ACAN: variants seen among roughly 807,000 people sequenced by gnomAD.
ACAN encodes the protein aggrecan core protein.
A neutral mutation model predicts 169.1 loss-of-function variants in ACAN; 47 were observed. The ratio of observed to expected loss-of-function variants is 0.28; its 90% CI spans 0.22 to 0.35. ACAN has a LOEUF of 0.35. Among genes scored for constraint, ACAN ranks in the 10% least tolerant of loss-of-function variants. The probability of loss-of-function intolerance (pLI) is 1.00; values close to 1 mark genes in which losing one functional copy is unlikely to be tolerated. For synonymous variants in ACAN, 1,115 were observed against 1,112.2 expected (o/e 1.00, Z -0.05); for missense variants, 2,716 against 2,759.9 (o/e 0.98, Z 0.36).
In ACAN at chr15:88,853,480, A is replaced by C. The variant is rs574374306; in HGVS notation, c.2267-1372A>C. ...TGGCAAAACCCAGTGTCTACTAAAA[A>C]TACAAAAATTAGCCAGGTGTGGTGG... On this transcript the variant is annotated intron_variant, in intron 11 of 18. Coordinates refer to ENST00000560601, the MANE Select transcript of ACAN (RefSeq NM_001369268.1). 9.8e-5 allele frequency among the ~76,000 whole-genome samples: 15 copies of C among 152,290 alleles called. No homozygotes were observed. The East Asian group carries it at 2.9e-3, about 29-fold the overall frequency.
At chr15:88,819,290 G>A (rs1256794073) in intron 1 of ACAN, among the ~76,000 whole-genome samples, 1 of 152,150 alleles carries the variant, frequency 6.6e-6, no homozygotes, top group Non-Finnish European at 1.5e-5. Context: ...GTTAGAGGGA[G>A]GTCTTTGAGG....
chr15:88,857,968 C>A lies in ACAN; in HGVS notation c.5383C>A (p.Leu1795Ile), dbSNP rs745908761. 6.8e-6 allele frequency: 11 copies of A among 1,613,790 alleles called. No homozygotes were observed. In the African/African-American group the frequency reaches 1.3e-4, roughly 20 times the overall value. ...TGGAGAAACATCTGGGGTCCCTGAT[C>A]TCAGTGGGCAGCCTTCAGGGTTACC... ...LSGETSGVPD[L>I]SGQPSGLPGF... The change falls in exon 12 of 19, where the codon CTC becomes ATC. Residue 1795 changes from leucine to isoleucine, a missense_variant. Around this residue, in one of 3 missense-constraint regions of ACAN, gnomAD observed 1,389 missense variants for 1,363.7 expected, o/e 1.02. Transcript: ENST00000560601.
chr15:88,813,502 A>G (rs558080046), intron 1 of ACAN, among the ~76,000 whole-genome samples: 2 of 152,348 alleles, frequency 1.3e-5, no homozygotes, highest in East Asian at 3.9e-4. Flanking sequence ...AGGGATGGCC[A>G]CTTCCATATG....
rs377554089 is a variant in ACAN at position 88,855,343 on chromosome 15, T to C, written c.2758T>C (p.Ser920Pro). The C allele has an allele frequency of 1.2e-6, 2 of 1,612,692 alleles. No homozygotes were observed. The highest frequency in any genetic ancestry group is 2.7e-5 in the African/African-American group (2 of 75,026). ...SGLPVESGLPSGDEERIEWPS... is the reference protein window; with the variant it reads ...SGLPVESGLPPGDEERIEWPS... ...CCTGCCTGTGGAAAGTGGACTACCC[T>C]CAGGGGATGAAGAGAGAATTGAGTG... Residue 920 changes from serine to proline, a missense_variant, in exon 12 of 19, where the codon TCA becomes CCA. This residue lies in a region of ACAN where 1,283 missense variants were observed against 1,281.5 expected (regional missense o/e 1.00). Coordinates refer to ENST00000560601, the MANE Select transcript of ACAN (RefSeq NM_001369268.1).
At chr15:88,827,725 A>G (rs1896260001) in intron 1 of ACAN, among the ~76,000 whole-genome samples, 1 of 152,224 alleles carries the variant, frequency 6.6e-6, no homozygotes, top group Admixed American at 6.5e-5. Context: ...GGAACCAGCC[A>G]GACAAACCTT....
Position 88,815,796 on chromosome 15 carries a change from A to G in ACAN, c.-8+11987A>G, listed in dbSNP as rs562884442. On this transcript the variant is annotated intron_variant, in intron 1 of 18. Coordinates refer to ENST00000560601, the MANE Select transcript of ACAN (RefSeq NM_001369268.1). ...TTGTTTATAAAGAAGTTTTTAGATT[A>G]GTAGTAGTGTTATAATAAAAAGTTA... Among the ~76,000 whole-genome samples, 23 of 152,226 alleles carry G rather than the reference A, an allele frequency of 1.5e-4. No homozygotes were observed. In the South Asian group the frequency reaches 4.8e-3, roughly 32 times the overall value.
chr15:88,867,815 C>G (rs1433862634), intron 13 of ACAN, among the ~76,000 whole-genome samples: 1 of 152,214 alleles, frequency 6.6e-6, no homozygotes, highest in Non-Finnish European at 1.5e-5. Flanking sequence ...CTTCAGTTTC[C>G]TTGCTCACCA....
Position 88,874,966 on chromosome 15 carries a change from A to G in ACAN, c.*485A>G, listed in dbSNP as rs1392270861. Reference sequence around the variant, plus strand: ...CAGGAAGAACTCGGAACCGCAGCTGAATGTATTGGATGAGAAGGAGCCAGG... The same window carrying G: ...CAGGAAGAACTCGGAACCGCAGCTGGATGTATTGGATGAGAAGGAGCCAGG... On this transcript the variant is annotated 3_prime_UTR_variant, in exon 19 of 19. Coordinates refer to ENST00000560601, the MANE Select transcript of ACAN (RefSeq NM_001369268.1). This position sits in a 1 kb window ranked among gnomAD's most constrained non-coding sequence, Gnocchi z 7.3. 6.8e-6 allele frequency: 2 copies of G among 292,602 alleles called. No individual in the cohort carries two copies. The allele number at this position is 292,602 out of a possible 1,614,324, so 18.1% of individuals were successfully genotyped here.
At chr15:88,848,459 G>A (rs529141145) in intron 9 of ACAN, among the ~76,000 whole-genome samples, 25 of 152,276 alleles carry the variant, frequency 1.6e-4, no homozygotes, top group African/African-American at 5.8e-4. Flanking sequence ...GCTCACACCT[G>A]TAATCCCAGC....
chr15:88,825,176 C>T (rs1241856560), intron 1 of ACAN, among the ~76,000 whole-genome samples: 1 of 152,010 alleles, frequency 6.6e-6, no homozygotes, highest in African/African-American at 2.4e-5. Context: ...CCTCACAGGC[C>T]CTGGGAAGGA....
intron 6 of ACAN, among the ~76,000 whole-genome samples, chr15:88,845,081 A>T (rs761325866): frequency 3.3e-5 from 5 of 152,172 alleles, no homozygotes; most frequent in Non-Finnish European, 7.4e-5. Flanking sequence ...TCAACTTCAC[A>T]AACTGCACTT....
chr15:88,831,724 C>A (rs1380557390), intron 1 of ACAN, among the ~76,000 whole-genome samples: 1 of 152,208 alleles, frequency 6.6e-6, no homozygotes, highest in Admixed American at 6.5e-5. Flanking sequence ...CAGCCTCCTC[C>A]TTGGGCCTCA....
chr15:88,841,508 G>A lies in ACAN; in HGVS notation c.630-232G>A, dbSNP rs571444165. On this transcript the variant is annotated intron_variant, in intron 4 of 18. Transcript: ENST00000560601. The stretch of plus-strand genomic sequence containing the variant: ...TTGCCTTTTATAGAAAAAAATATGT[G>A]AGCCCCTGATAGAGAAAGTGTGTTT... Among the ~76,000 whole-genome samples the A allele has an allele frequency of 4.6e-5, 7 of 151,868 alleles. No individual in the cohort carries two copies. In the East Asian group the frequency reaches 1.4e-3, roughly 29 times the overall value.
At chr15:88,809,427 A>G (rs938398298) in intron 1 of ACAN, among the ~76,000 whole-genome samples, 5 of 152,162 alleles carry the variant, frequency 3.3e-5, no homozygotes, top group African/African-American at 1.2e-4. Flanking sequence ...ATGGGCCAAG[A>G]TCCAGTGAGG....
At position 88,840,005 on chromosome 15, in the gene ACAN, C is replaced by G; in HGVS notation, c.455-7C>G. 6.3e-7 allele frequency: 1 copy of G among 1,595,804 alleles called. No individual in the cohort carries two copies. On this transcript the variant is annotated splice_region_variant and splice_polypyrimidine_tract_variant and intron_variant, in intron 3 of 18. Transcript: ENST00000560601. Reference sequence around the variant, plus strand: ...CTTCCGCTTGTGGGCGTGTATGTGTCTTGCAGGCATCGTGTTCCATTACAG... The same window carrying G: ...CTTCCGCTTGTGGGCGTGTATGTGTGTTGCAGGCATCGTGTTCCATTACAG...
Position 88,845,491 on chromosome 15 carries a change from TG to T in ACAN, c.1052-13del. The T allele has an allele frequency of 6.3e-7, 1 of 1,584,914 alleles. No homozygotes were observed. Among genetic ancestry groups the T allele is most frequent in the Non-Finnish European group, 8.6e-7 (1 of 1,161,788 alleles). On this transcript the variant is annotated splice_polypyrimidine_tract_variant and intron_variant, in intron 6 of 18. Transcript: ENST00000560601. ...AGGCTGAGAGGCTAAAGCTTGTCTT[TG>T]CCCCTCCCCTAGGTGAAGACTTTGT...
At chr15:88,825,544 C>T (rs1044735751) in intron 1 of ACAN, among the ~76,000 whole-genome samples, 3 of 152,100 alleles carry the variant, frequency 2.0e-5, no homozygotes, top group Non-Finnish European at 4.4e-5. Context: ...ATGTTATCTC[C>T]CAAGAGGCTT....
At chr15:88,846,985 C>A (rs1473122997) in intron 7 of ACAN, among the ~76,000 whole-genome samples, 1 of 152,226 alleles carries the variant, frequency 6.6e-6, no homozygotes, top group African/African-American at 2.4e-5. Flanking sequence ...TTCCCAAACT[C>A]AAGTCTATGA....
At chr15:88,850,494 T>C (rs1464253415) in intron 10 of ACAN, 1 of 152,266 alleles carries the variant, frequency 6.6e-6, no homozygotes, top group Non-Finnish European at 1.5e-5. Flanking sequence ...AGAATGTAGA[T>C]TGTAATAACA....
Sources: gnomAD v4.1 joint callset for allele counts (sites outside exome capture counted in the v4.1 genomes callset) on GRCh38, gnomAD v4.1.1 for gene constraint, gnomAD v4.1.1 regional missense constraint, Gnocchi (gnomAD v3.1) non-coding constraint, MANE v1.5 for transcripts, NCBI Gene and HGNC (gene_info 2026-07-23, HGNC 2026-07-21) for gene names.